The following PCDHGB1 variants were observed in gnomAD, a reference collection of about 807,000 sequenced individuals.
PCDHGB1 encodes protocadherin gamma subfamily B, 1, also known as protocadherin gamma-B1.
PCDHGB1 carries 34 observed loss-of-function variants against 56.6 expected under a neutral mutation model. The ratio of observed to expected loss-of-function variants is 0.60; its 90% CI spans 0.46 to 0.80. The LOEUF is 0.80. Among genes scored for constraint, PCDHGB1 ranks in the 30% least tolerant of loss-of-function variants. The pLI is 0.00. For missense variants in PCDHGB1, 1,278 were observed against 1,204.6 expected (o/e 1.06, Z -0.90); for synonymous variants, 561 against 505.9 (o/e 1.11, Z -1.46).
rs777535962 is a variant in PCDHGB1, at chr5:141,431,195, G to T, written c.2410-63612G>T. The T allele has an allele frequency of 1.2e-6, 2 of 1,614,166 alleles. No homozygotes were observed. Among genetic ancestry groups the T allele is most frequent in the East Asian group, 2.2e-5 (1 of 44,890 alleles). On this transcript the variant is annotated intron_variant, in intron 1 of 3. Transcript: ENST00000523390. The surrounding 1 kb of genome is among the most constrained non-coding windows in gnomAD (Gnocchi z 4.8). ...ATTAGAAATAAAAATTAGTGAAAAT[G>T]CAGCCACTGAGATGCGGTTCCCTCT... is the stretch of plus-strand genomic sequence containing the variant.
intron 1 of PCDHGB1, chr5:141,355,219 C>T: frequency 6.2e-7 from 1 of 1,605,766 alleles, no homozygotes; most frequent in Non-Finnish European, 8.5e-7. Flanking sequence ...GCCTCCTGCT[C>T]GCCCAGACCA....
rs374655655 is a variant in PCDHGB1, at chr5:141,431,023, C to A, written c.2410-63784C>A. 1 of 1,613,748 alleles carries A rather than the reference C, an allele frequency of 6.2e-7. No homozygotes were observed. The highest frequency in any genetic ancestry group is 2.2e-5 in the East Asian group (1 of 44,862). On this transcript the variant is annotated intron_variant, in intron 1 of 3. Coordinates refer to ENST00000523390, the MANE Select transcript of PCDHGB1 (RefSeq NM_018922.3). The surrounding 1 kb of genome is among the most constrained non-coding windows in gnomAD (Gnocchi z 4.8). ...GCAGCGGCAGCTTGGTCACGGCGGG[C>A]AGGATAGACCGGGAGGAGCTCTGTA...
intron 1 of PCDHGB1, chr5:141,471,252 T>A (rs1003162914): frequency 6.6e-6 from 1 of 151,872 alleles, no homozygotes; most frequent in Admixed American, 6.6e-5. Flanking sequence ...GGTTTCACCA[T>A]GTTGGCAAGG....
intron 1 of PCDHGB1, chr5:141,413,388 C>G (rs765673305): frequency 6.2e-7 from 1 of 1,613,894 alleles, no homozygotes; most frequent in African/African-American, 1.3e-5. Context: ...TCCGCATAGT[C>G]TCCAGAGGTA....
intron 1 of PCDHGB1, among the ~76,000 whole-genome samples, chr5:141,468,131 C>A (rs1006565854): frequency 1.3e-5 from 2 of 151,650 alleles, no homozygotes; most frequent in South Asian, 4.2e-4. Context: ...TTGAGACCAG[C>A]CTGGCCAACA....
rs56854727 is a variant in PCDHGB1, at chr5:141,438,635, TACACACAC to T, written c.2410-56162_2410-56155del. ...ATATATATATATATATATATATATA[TACACACAC>T]ACACACACATATATGTATATATATA... On this transcript the variant is annotated intron_variant, in intron 1 of 3. Transcript: ENST00000523390. Among the ~76,000 whole-genome samples, 72 of 33,376 alleles carry T rather than the reference TACACACAC, an allele frequency of 2.2e-3. 1 individual carries two copies. Among genetic ancestry groups the T allele is most frequent in the Non-Finnish European group, 3.0e-3 (57 of 18,970 alleles). The allele number at this position is 33,376 out of a possible 152,430, so 21.9% of individuals were successfully genotyped here.
chr5:141,370,433 G>A, intron 1 of PCDHGB1: 1 of 1,601,376 alleles, frequency 6.2e-7, no homozygotes, highest in Non-Finnish European at 8.5e-7. Flanking sequence ...CAGCAGGGCA[G>A]AGGCGAATGC....
intron 1 of PCDHGB1, chr5:141,405,012 C>T (rs748403581): frequency 1.2e-6 from 2 of 1,614,018 alleles, no homozygotes; most frequent in Non-Finnish European, 8.5e-7. Context: ...CTGGAGGCCT[C>T]AGACCTTACC....
chr5:141,371,193 A>T, intron 1 of PCDHGB1: 1 of 1,614,034 alleles, frequency 6.2e-7, no homozygotes. Flanking sequence ...AGTGATGGCC[A>T]TTGACATGGA....
At chr5:141,422,272 A>G in intron 1 of PCDHGB1, 1 of 1,561,362 alleles carries the variant, frequency 6.4e-7, no homozygotes, top group Non-Finnish European at 8.6e-7. Context: ...TCCAGAAATA[A>G]CTATCACCTC....
intron 1 of PCDHGB1, chr5:141,394,906 C>T (rs2150590922): frequency 6.2e-7 from 1 of 1,613,754 alleles, no homozygotes; most frequent in Admixed American, 1.7e-5. Flanking sequence ...GTGGCAGTGG[C>T]TGCCATCTCC....
At chr5:141,355,120 T>C (rs1759719177) in intron 1 of PCDHGB1, 2 of 1,514,578 alleles carry the variant, frequency 1.3e-6, no homozygotes, top group Non-Finnish European at 8.8e-7. Flanking sequence ...GCACTTTATT[T>C]TGGACCCAGA....
chr5:141,352,850 T>G (rs1470279292), intron 1 of PCDHGB1, among the ~76,000 whole-genome samples, 181 bp downstream of exon 1: 1 of 152,078 alleles, frequency 6.6e-6, no homozygotes, highest in East Asian at 1.9e-4. Flanking sequence ...TAGTTGGGTG[T>G]GGTGGCACGC....
At chr5:141,375,581 C>A in intron 1 of PCDHGB1, 2 of 1,614,174 alleles carry the variant, frequency 1.2e-6, no homozygotes, top group Non-Finnish European at 8.5e-7. Context: ...CCAGGGGGCG[C>A]CCCTGTCCTC....
chr5:141,460,214 G>C (rs925628892), intron 1 of PCDHGB1, among the ~76,000 whole-genome samples: 1 of 151,896 alleles, frequency 6.6e-6, no homozygotes, highest in South Asian at 2.1e-4. Flanking sequence ...CATTTTCTTA[G>C]TTGTGTCTTT....
chr5:141,386,534 T>A (rs1561611722), intron 1 of PCDHGB1, among the ~76,000 whole-genome samples: 1 of 151,950 alleles, frequency 6.6e-6, no homozygotes, highest in African/African-American at 2.4e-5. Context: ...CTTTTTAGAC[T>A]AGTGTTGTAT....
chr5:141,356,292 A>G, intron 1 of PCDHGB1: 1 of 1,555,616 alleles, frequency 6.4e-7, no homozygotes, highest in Non-Finnish European at 8.7e-7. Flanking sequence ...CCCCGGGTAC[A>G]GTAATTGCAC....
rs1231863269 is a variant in PCDHGB1 at position 141,485,594 on chromosome 5, G to A, written c.2410-9213G>A. 1.9e-6 allele frequency: 3 copies of A among 1,612,578 alleles called. No individual in the cohort carries two copies. The highest frequency in any genetic ancestry group is 2.5e-6 in the Non-Finnish European group (3 of 1,178,798). On this transcript the variant is annotated intron_variant, in intron 1 of 3. Transcript: ENST00000523390. The surrounding 1 kb of genome is among the most constrained non-coding windows in gnomAD (Gnocchi z 5.7). ...TTTTCCGCGGCAGCAGCTGGACTTGGAAATTGGGGAGGCAGCTCCTCCAGG... is the reference window on the plus strand; with the variant it reads ...TTTTCCGCGGCAGCAGCTGGACTTGAAAATTGGGGAGGCAGCTCCTCCAGG...
chr5:141,413,967 G>C, intron 1 of PCDHGB1: 15 of 1,613,428 alleles, frequency 9.3e-6, no homozygotes, highest in Non-Finnish European at 1.2e-5. Context: ...TGGGCACTCA[G>C]CTGCTGACAG....
Sources: allele counts gnomAD v4.1 joint callset (sites outside exome capture counted in the v4.1 genomes callset), GRCh38; gene constraint gnomAD v4.1.1; non-coding constraint Gnocchi (gnomAD v3.1); transcripts MANE v1.5; gene names NCBI Gene and HGNC (gene_info 2026-07-23, HGNC 2026-07-21).